The following AOPEP variants were observed in gnomAD, a reference collection of about 807,000 sequenced individuals.
The protein encoded by AOPEP is aminopeptidase O (putative).
In AOPEP, 77 loss-of-function variants were observed where a neutral mutation model predicts 98.1. The observed-to-expected ratio is 0.78, with a 90% CI of 0.65 to 0.95. AOPEP has a LOEUF of 0.95. AOPEP is among the 40% of genes least tolerant of loss of function. AOPEP has a pLI of 0.00. For missense variants in AOPEP, 1,024 were observed against 1,024.7 expected (o/e 1.00, Z 0.01); for synonymous variants, 346 against 365.3 (o/e 0.95, Z 0.60).
intron 13 of AOPEP, among the ~76,000 whole-genome samples, chr9:95,025,089 T>C (rs1218329587): frequency 6.6e-6 from 1 of 152,222 alleles, no homozygotes; most frequent in Non-Finnish European, 1.5e-5. Context: ...TAAATATTTG[T>C]CTTTTCTTTA....
intron 5 of AOPEP, among the ~76,000 whole-genome samples, chr9:94,811,024 C>G (rs546865644): frequency 9.4e-4 from 143 of 152,292 alleles, no homozygotes; most frequent in African/African-American, 3.2e-3. Flanking sequence ...CTAACCTGCC[C>G]CCTACCCCTG....
At chr9:95,119,711 C>A in the AOPEP span, among the ~76,000 whole-genome samples, 1 of 151,594 alleles carries the variant, frequency 6.6e-6, no homozygotes, top group Non-Finnish European at 1.5e-5. Flanking sequence ...AGAAATTTTA[C>A]ATTCCTTTCT....
At chr9:94,896,449 AG>A (rs2049574935) in intron 5 of AOPEP, among the ~76,000 whole-genome samples, 2 of 152,184 alleles carry the variant, frequency 1.3e-5, no homozygotes, top group Admixed American at 1.3e-4. Flanking sequence ...AGGTCACAGT[AG>A]GGAAAGTGGG....
intron 1 of AOPEP, among the ~76,000 whole-genome samples, chr9:94,742,733 A>G (rs1216453604): frequency 6.6e-6 from 1 of 152,038 alleles, no homozygotes; most frequent in African/African-American, 2.4e-5. Context: ...GCACCTGGCC[A>G]CTTTTCTTTA....
intron 3 of AOPEP, among the ~76,000 whole-genome samples, chr9:94,778,807 C>T (rs1257462786): frequency 2.0e-5 from 3 of 152,056 alleles, no homozygotes; most frequent in Non-Finnish European, 4.4e-5. Flanking sequence ...ATGGGCGGAT[C>T]ACTTGAGGCC....
At chr9:94,728,106 A>AT (rs1268331649) in intron 1 of AOPEP, among the ~76,000 whole-genome samples, 4 of 152,322 alleles carry the variant, frequency 2.6e-5, no homozygotes, top group Admixed American at 2.6e-4. Context: ...GTTGCACACA[A>AT]TTTTATGAGT....
the AOPEP span, chr9:95,101,846 G>A: frequency 3.1e-6 from 5 of 1,613,948 alleles, no homozygotes; most frequent in Non-Finnish European, 4.2e-6. Flanking sequence ...AGCAGTGTGA[G>A]CCATCTGCAA....
intron 11 of AOPEP, among the ~76,000 whole-genome samples, chr9:94,989,195 G>A (rs768443978): frequency 1.3e-5 from 2 of 151,612 alleles, no homozygotes; most frequent in Non-Finnish European, 2.9e-5. Flanking sequence ...TCTGCCTCCC[G>A]GGTTCATGCC....
At chr9:95,103,140 AGGACTGTCCCCCGCTCAG>A in the AOPEP span, among the ~76,000 whole-genome samples, 1 of 151,944 alleles carries the variant, frequency 6.6e-6, no homozygotes, top group South Asian at 2.1e-4. Context: ...CCTGAGCGGG[AGGACTGTCCCCCGCTCAG>A]GGGCTGGCCA....
At chr9:94,843,620 T>C (rs1034401916) in intron 5 of AOPEP, among the ~76,000 whole-genome samples, 1 of 152,238 alleles carries the variant, frequency 6.6e-6, no homozygotes, top group African/African-American at 2.4e-5. Context: ...GGACCAGATA[T>C]AGAATGCCCA....
At chr9:95,059,541 A>C (rs369023678) in intron 13 of AOPEP, among the ~76,000 whole-genome samples, 1 of 138,272 alleles carries the variant, frequency 7.2e-6, no homozygotes, top group Non-Finnish European at 1.6e-5. Context: ...GTGAGGGGGT[A>C]AGGGGGTAGG....
intron 5 of AOPEP, among the ~76,000 whole-genome samples, chr9:94,923,458 G>A (rs983568413): frequency 2.6e-5 from 4 of 152,118 alleles, no homozygotes; most frequent in African/African-American, 9.7e-5. Flanking sequence ...AGCCATCCCC[G>A]GCACCTGCTC....
chr9:94,920,279 T>C (rs1300162331), intron 5 of AOPEP: 2 of 153,386 alleles, frequency 1.3e-5, no homozygotes, highest in Non-Finnish European at 2.9e-5. Context: ...GCTGAGATCG[T>C]GCCATTGCAC....
At position 94,901,450 on chromosome 9, in the gene AOPEP, C is replaced by T. The variant is rs141374891; in HGVS notation, c.1365-22536C>T. Among the ~76,000 whole-genome samples the T allele has an allele frequency of 1.2e-3, 180 of 151,940 alleles. 1 individual carries two copies. The highest frequency in any genetic ancestry group is 3.7e-3 in the African/African-American group (155 of 41,384). ...CCTAGCCCAAGTTTCCACCTATGAT[C>T]GGTGTTTATCTAGTATTTGTTAAAT... On this transcript the variant is annotated intron_variant, in intron 5 of 16. Coordinates refer to ENST00000375315, the MANE Select transcript of AOPEP (RefSeq NM_001193329.3).
intron 16 of AOPEP, chr9:95,085,331 T>A: frequency 2.1e-6 from 1 of 483,706 alleles, no homozygotes; most frequent in Non-Finnish European, 4.3e-6. Flanking sequence ...GTGGTCGCGC[T>A]CACTGCAGAT....
At chr9:94,928,776 T>TC in intron 7 of AOPEP, 1 of 441,858 alleles carries the variant, frequency 2.3e-6, no homozygotes, top group Non-Finnish European at 4.0e-6. Flanking sequence ...GGGGGTCAGA[T>TC]CCTTCGTTTG....
At chr9:94,975,755 T>C (rs1414657937) in intron 10 of AOPEP, among the ~76,000 whole-genome samples, 1 of 152,206 alleles carries the variant, frequency 6.6e-6, no homozygotes, top group Non-Finnish European at 1.5e-5. Flanking sequence ...TTTTCTTCCT[T>C]GACTCAGTTC....
chr9:94,804,953 A>G (rs1848921976), intron 5 of AOPEP, among the ~76,000 whole-genome samples: 1 of 152,146 alleles, frequency 6.6e-6, no homozygotes. Context: ...GTGGAAAAGC[A>G]CTCCGGTCCA....
At chr9:95,026,563 GT>G (rs2063854209) in intron 13 of AOPEP, among the ~76,000 whole-genome samples, 1 of 152,144 alleles carries the variant, frequency 6.6e-6, no homozygotes, top group Non-Finnish European at 1.5e-5. Context: ...CCATTTTATG[GT>G]TACACCACAT....
Sources: gnomAD v4.1 joint callset for allele counts (sites outside exome capture counted in the v4.1 genomes callset) on GRCh38, gnomAD v4.1.1 for gene constraint, MANE v1.5 for transcripts, NCBI Gene and HGNC (gene_info 2026-07-23, HGNC 2026-07-21) for gene names.